Variants in USH2A observed in about 807,000 individuals in gnomAD.
USH2A encodes the protein usherin.
USH2A carries 443 observed loss-of-function variants against 538.9 expected under a neutral mutation model. That is an observed-to-expected ratio of 0.82 (90% confidence interval 0.76 to 0.89). The LOEUF (loss-of-function observed/expected upper bound fraction) is 0.89, where lower values mean the gene tolerates loss of function less well. USH2A is among the 40% of genes least tolerant of loss of function. The pLI is 0.00. For missense variants in USH2A, 6,633 were observed against 6,324.8 expected (o/e 1.05, Z -1.65); for synonymous variants, 2,413 against 2,273.5 (o/e 1.06, Z -1.75).
At chr1:215,918,561 G>A (rs1455460029) in intron 38 of USH2A, among the ~76,000 whole-genome samples, 3 of 152,068 alleles carry the variant, frequency 2.0e-5, no homozygotes, top group African/African-American at 7.2e-5. Context: ...TCTGTTGCTT[G>A]TAAGGCACCT....
At chr1:215,685,910 G>C (rs1317442205) in intron 61 of USH2A, among the ~76,000 whole-genome samples, 2 of 152,062 alleles carry the variant, frequency 1.3e-5, no homozygotes, top group Non-Finnish European at 1.5e-5. Context: ...TACATGCAGA[G>C]TTGCTCCGGA....
intron 21 of USH2A, among the ~76,000 whole-genome samples, chr1:216,135,162 TCTCTC>T (rs1322215777): frequency 1.7e-5 from 1 of 58,674 alleles, no homozygotes; most frequent in Non-Finnish European, 3.3e-5. Context: ...TCTCTCTCTC[TCTCTC>T]ACACACACAC....
chr1:216,395,552 G>A (rs2039195928), intron 3 of USH2A, among the ~76,000 whole-genome samples: 1 of 152,122 alleles, frequency 6.6e-6, no homozygotes, highest in South Asian at 2.1e-4. Flanking sequence ...CTTCTGTACA[G>A]GTATGGTATC....
At chr1:215,671,813 G>A (rs1055221056) in intron 63 of USH2A, among the ~76,000 whole-genome samples, 4 of 151,924 alleles carry the variant, frequency 2.6e-5, no homozygotes, top group African/African-American at 9.7e-5. Context: ...CCTCAGGAAT[G>A]TTTCCAGGTC....
rs1269155882 is a variant in USH2A, at chr1:216,380,282, T to G, written c.652-15197A>C. Reference sequence around the variant, plus strand: ...AAAACACAGCTTCTAAAAAATATCTTTTTCCAAATAGCTTAAAATATTTAT... The same window carrying G: ...AAAACACAGCTTCTAAAAAATATCTGTTTCCAAATAGCTTAAAATATTTAT... On this transcript the variant is annotated intron_variant, in intron 3 of 71. Coordinates refer to ENST00000307340, the MANE Select transcript of USH2A (RefSeq NM_206933.4). 3.9e-5 allele frequency among the ~76,000 whole-genome samples: 6 copies of G among 152,130 alleles called. No homozygotes were observed. In the East Asian group the frequency reaches 1.2e-3, roughly 29 times the overall value.
At chr1:216,157,982 A>C (rs1343292868) in intron 21 of USH2A, among the ~76,000 whole-genome samples, 1 of 152,206 alleles carries the variant, frequency 6.6e-6, no homozygotes, top group African/African-American at 2.4e-5. Context: ...AATTTATATA[A>C]ATAGAATACT....
chr1:216,314,936 T>C (rs1386417224), intron 9 of USH2A, among the ~76,000 whole-genome samples: 1 of 152,168 alleles, frequency 6.6e-6, no homozygotes, highest in Admixed American at 6.5e-5. Context: ...AATGCTTGGC[T>C]GAGACACTGA....
At chr1:215,777,045 T>C (rs1271345397) in intron 55 of USH2A, among the ~76,000 whole-genome samples, 1 of 152,066 alleles carries the variant, frequency 6.6e-6, no homozygotes, top group Non-Finnish European at 1.5e-5. Context: ...ACAATATCCA[T>C]AGAAATTAAA....
rs536998289 is a variant in USH2A at position 215,852,355 on chromosome 1, G to A, written c.8846-6322C>T. On this transcript the variant is annotated intron_variant, in intron 44 of 71. Transcript: ENST00000307340. ...CACAAGAATAGCATGGAAAAGACCC[G>A]CCCCCATGATTCAATTATCTCCCAC... Among the ~76,000 whole-genome samples, 458 of 152,104 alleles carry A rather than the reference G, an allele frequency of 3.0e-3. 3 individuals carry two copies. The highest frequency in any genetic ancestry group is 4.6e-3 in the Non-Finnish European group (310 of 67,986).
intron 9 of USH2A, among the ~76,000 whole-genome samples, chr1:216,316,799 G>A (rs1397993740): frequency 6.6e-6 from 1 of 151,962 alleles, no homozygotes; most frequent in Non-Finnish European, 1.5e-5. Flanking sequence ...TTTGAGAACT[G>A]TTCTCAAACA....
intron 44 of USH2A, among the ~76,000 whole-genome samples, chr1:215,862,209 A>G (rs2102435964): frequency 6.6e-6 from 1 of 152,312 alleles, no homozygotes; most frequent in African/African-American, 2.4e-5. Flanking sequence ...ATAAAATAAC[A>G]TATATTCTTT....
intron 56 of USH2A, among the ~76,000 whole-genome samples, chr1:215,760,659 A>C (rs1282721980): frequency 6.6e-6 from 1 of 152,174 alleles, no homozygotes; most frequent in Non-Finnish European, 1.5e-5. Flanking sequence ...AATCTTGTCC[A>C]TCTATCCATT....
chr1:216,311,995 G>T (rs1668878366), intron 9 of USH2A, among the ~76,000 whole-genome samples: 1 of 151,552 alleles, frequency 6.6e-6, no homozygotes, highest in Admixed American at 6.6e-5. Context: ...TTTCTCTAAT[G>T]TTCTCCCTTT....
At position 215,648,781 on chromosome 1, in the gene USH2A, A is replaced by C. The variant is rs368861869; in HGVS notation, c.14344-15T>G. 6.2e-7 allele frequency: 1 copy of C among 1,608,864 alleles called. No homozygotes were observed. Among genetic ancestry groups the C allele is most frequent in the Non-Finnish European group, 8.5e-7 (1 of 1,175,580 alleles). ...CCTTCGGATAGCTGTGGAAGGAAGG[A>C]AGGCTAGATAAAGGCAGTGTCAAAC... On this transcript the variant is annotated splice_polypyrimidine_tract_variant and intron_variant, in intron 65 of 71. Transcript: ENST00000307340.
Position 216,070,992 on chromosome 1 carries a change from G to A in USH2A, c.5858-700C>T, listed in dbSNP as rs146206951. 2.5e-3 allele frequency among the ~76,000 whole-genome samples: 382 copies of A among 152,152 alleles called. 2 individuals carry two copies. Among genetic ancestry groups the A allele is most frequent in the African/African-American group, 9.0e-3 (374 of 41,510 alleles). On this transcript the variant is annotated intron_variant, in intron 29 of 71. Transcript: ENST00000307340. ...AAGAACTGCAAAACCTTACTTACAAGCTGAGCCCCCTAATTTAAAAAATCT... is the reference window on the plus strand; with the variant it reads ...AAGAACTGCAAAACCTTACTTACAAACTGAGCCCCCTAATTTAAAAAATCT...
intron 20 of USH2A, among the ~76,000 whole-genome samples, chr1:216,180,924 C>A (rs981151274): frequency 6.6e-6 from 1 of 152,096 alleles, no homozygotes; most frequent in Non-Finnish European, 1.5e-5. Context: ...AGGTCATGAG[C>A]CCTGATTTCT....
intron 13 of USH2A, among the ~76,000 whole-genome samples, chr1:216,234,080 A>C (rs1320191468): frequency 1.3e-5 from 2 of 152,220 alleles, no homozygotes; most frequent in Admixed American, 1.3e-4. Context: ...ATATTGAAAG[A>C]AGGAGAGCAT....
rs557682177 is a variant in USH2A at position 215,636,439 on chromosome 1, C to T, written c.15053-1736G>A. Reference sequence around the variant, plus strand: ...TCATCTCTAAAATAAAGGGTTGAGTCAACACTCCAATCAAGCTCCAGCAGG... The same window carrying T: ...TCATCTCTAAAATAAAGGGTTGAGTTAACACTCCAATCAAGCTCCAGCAGG... On this transcript the variant is annotated intron_variant, in intron 69 of 71. Transcript: ENST00000307340. 8.5e-5 allele frequency among the ~76,000 whole-genome samples: 13 copies of T among 152,312 alleles called. No homozygotes were observed. In the South Asian group the frequency reaches 2.7e-3, roughly 32 times the overall value.
chr1:216,176,523 T>G (rs1313921077), intron 20 of USH2A, among the ~76,000 whole-genome samples: 4 of 152,190 alleles, frequency 2.6e-5, no homozygotes, highest in African/African-American at 9.6e-5. Context: ...CCCAAATGGT[T>G]CATTTGCTAC....
Sources: gnomAD v4.1 joint callset for allele counts (sites outside exome capture counted in the v4.1 genomes callset) on GRCh38, gnomAD v4.1.1 for gene constraint, MANE v1.5 for transcripts, NCBI Gene and HGNC (gene_info 2026-07-23, HGNC 2026-07-21) for gene names.